Variants in RCOR3 observed in about 807,000 individuals in gnomAD.
The protein encoded by RCOR3 is REST corepressor 3.
A neutral mutation model predicts 64.1 loss-of-function variants in RCOR3; 13 were observed. The observed-to-expected ratio is 0.20, with a 90% CI of 0.13 to 0.32. The LOEUF is 0.32. Among genes scored for constraint, RCOR3 ranks in the 10% least tolerant of loss-of-function variants. RCOR3 has a pLI of 1.00. For synonymous variants in RCOR3, 215 were observed against 239.0 expected (o/e 0.90, Z 0.93); for missense variants, 489 against 701.2 (o/e 0.70, Z 3.42).
rs1307020716 is a variant in RCOR3 at position 211,259,628 on chromosome 1, A to G, written c.68A>G (p.Lys23Arg). 2.6e-6 allele frequency: 4 copies of G among 1,547,434 alleles called. No individual in the cohort carries two copies. The highest frequency in any genetic ancestry group is 1.4e-5 in the African/African-American group (1 of 72,420). Residue 23 changes from lysine to arginine, a missense_variant, in exon 1 of 12, where the codon AAG (lysine) becomes AGG (arginine). Lys to Arg is a conservative substitution (Grantham distance 26, BLOSUM62 2). Transcript: ENST00000419091. ...AACCGATCGGCCAACGGCAGCGCCA[A>G]GAGCCCGGCAGGCGGCGGCGGCAGC... ...GKNRSANGSA[K>R]SPAGGGGSGA...
At chr1:211,295,035 G>A (rs1315860776) in intron 8 of RCOR3, among the ~76,000 whole-genome samples, 2 of 140,304 alleles carry the variant, frequency 1.4e-5, no homozygotes, top group South Asian at 2.3e-4. Context: ...ATGCCACCAT[G>A]ACCAGCTAAT....
chr1:211,295,828 A>G (rs968410058), intron 9 of RCOR3, 75 bp downstream of exon 9: 2 of 1,133,694 alleles, frequency 1.8e-6, no homozygotes, highest in Non-Finnish European at 2.6e-6. Flanking sequence ...CCCAAGTACT[A>G]TTTTGGTCAC....
intron 5 of RCOR3, among the ~76,000 whole-genome samples, chr1:211,276,958 C>T (rs4281373): frequency 0.96 from 145,215 of 151,868 alleles, 69,492 homozygotes; most frequent in East Asian, 1. Flanking sequence ...TGGTGGCATG[C>T]GCCTGTAGCC....
chr1:211,315,148 A>G lies in RCOR3; in HGVS notation c.*1380A>G, dbSNP rs1422452270. 6.6e-6 allele frequency: 1 copy of G among 152,190 alleles called. No individual in the cohort carries two copies. The highest frequency in any genetic ancestry group is 2.4e-5 in the African/African-American group (1 of 41,458). The allele number at this position is 152,190 out of a possible 1,614,324, so 9.4% of individuals were successfully genotyped here. On this transcript the variant is annotated 3_prime_UTR_variant, in exon 12 of 12. Transcript: ENST00000419091. ...TCATATTGGAATCATTATTTGTGCA[A>G]AGGGACAGACAGATCACTTAGATTG...
In RCOR3 at chr1:211,296,198, CT is replaced by C. The variant is rs752137859; in HGVS notation, c.1017+447del. On this transcript the variant is annotated intron_variant, in intron 9 of 11. Transcript: ENST00000419091. ...TTTAAGATAATTGTCTTTGGCTCAGCTTCCACTTATGATTTTAGTATGTGGA... is the reference window on the plus strand; with the variant it reads ...TTTAAGATAATTGTCTTTGGCTCAGCTCCACTTATGATTTTAGTATGTGGA... Among the ~76,000 whole-genome samples, 40 of 152,240 alleles carry C rather than the reference CT, an allele frequency of 2.6e-4. No individual in the cohort carries two copies. In the Middle Eastern group the frequency reaches 0.01, roughly 39 times the overall value.
rs1336897405 is a variant in RCOR3 at position 211,274,194 on chromosome 1, CAT to C, written c.302-15_302-14del. On this transcript the variant is annotated splice_polypyrimidine_tract_variant and intron_variant, in intron 3 of 11. Coordinates refer to ENST00000419091, the MANE Select transcript of RCOR3 (RefSeq NM_001136223.3). ...TAAATGAGAATAATTAATTATATAA[CAT>C]TATTTCATTGCAGTGGATGAATACA... 7 of 1,531,256 alleles carry C rather than the reference CAT, an allele frequency of 4.6e-6. No homozygotes were observed. Among genetic ancestry groups the C allele is most frequent in the Non-Finnish European group, 6.3e-6 (7 of 1,111,024 alleles). The allele number at this position is 1,531,256 out of a possible 1,614,324, so 94.9% of individuals were successfully genotyped here. A position where few individuals can be genotyped will look rare whatever the true frequency, so the allele number is the denominator to read the frequency against.
intron 10 of RCOR3, among the ~76,000 whole-genome samples, chr1:211,308,372 T>C (rs1010651462): frequency 1.3e-5 from 2 of 152,196 alleles, no homozygotes; most frequent in Non-Finnish European, 2.9e-5. Flanking sequence ...TTTCTACCTC[T>C]TAATATGGAA....
At chr1:211,266,200 C>T (rs1028333261) in intron 2 of RCOR3, among the ~76,000 whole-genome samples, 1 of 152,012 alleles carries the variant, frequency 6.6e-6, no homozygotes, top group African/African-American at 2.4e-5. Context: ...TAATTTAGAA[C>T]CTAGTATATA....
chr1:211,282,233 C>T (rs532565575), intron 7 of RCOR3, among the ~76,000 whole-genome samples: 140 of 152,214 alleles, frequency 9.2e-4, no homozygotes, highest in African/African-American at 3.2e-3. Context: ...AGGTGTGGTC[C>T]AAGACTAGCA....
At position 211,289,324 on chromosome 1, in the gene RCOR3, T is replaced by G. The variant is rs1698952723; in HGVS notation, c.867T>G (p.Val289=). 6.2e-7 allele frequency: 1 copy of G among 1,614,138 alleles called. No individual in the cohort carries two copies. The highest frequency in any genetic ancestry group is 1.1e-5 in the South Asian group (1 of 91,078). Residue 289 remains valine (V), a synonymous_variant, in exon 8 of 12, where the codon GTT becomes GTG. Transcript: ENST00000419091. ...MYLTQEDVVA[V]SCSPNAANTI... is the part of the protein sequence containing the mutation. ...TAACCCAGGAAGATGTGGTAGCAGTTTCCTGTAGTCCCAATGCAGCCAACA... is the reference window on the plus strand; with the variant it reads ...TAACCCAGGAAGATGTGGTAGCAGTGTCCTGTAGTCCCAATGCAGCCAACA...
intron 2 of RCOR3, chr1:211,261,246 C>T (rs1344030843): frequency 1.3e-5 from 2 of 152,118 alleles, no homozygotes; most frequent in Admixed American, 1.3e-4. Flanking sequence ...GATACAGAGG[C>T]GTGTTTTTTT....
intron 7 of RCOR3, among the ~76,000 whole-genome samples, chr1:211,285,612 G>A (rs980853346): frequency 6.6e-6 from 1 of 152,200 alleles, no homozygotes; most frequent in African/African-American, 2.4e-5. Context: ...GGAATTTGTT[G>A]ACATGTTTTA....
chr1:211,270,441 A>C (rs1695982812), intron 2 of RCOR3, among the ~76,000 whole-genome samples: 1 of 152,142 alleles, frequency 6.6e-6, no homozygotes. Context: ...AATGAACTTA[A>C]TTTAAAAGTG....
At chr1:211,282,265 C>G (rs2102530102) in intron 7 of RCOR3, among the ~76,000 whole-genome samples, 1 of 152,040 alleles carries the variant, frequency 6.6e-6, no homozygotes, top group Non-Finnish European at 1.5e-5. Flanking sequence ...CAGCTTCATT[C>G]ATTTCTCTGC....
intron 10 of RCOR3, among the ~76,000 whole-genome samples, chr1:211,306,732 T>A (rs1276185014): frequency 6.6e-6 from 1 of 152,222 alleles, no homozygotes; most frequent in Non-Finnish European, 1.5e-5. Flanking sequence ...ATATTGTTGT[T>A]AACTAAATGT....
At chr1:211,259,891 C>CG in intron 1 of RCOR3, 165 bp downstream of exon 1, 1 of 1,037,240 alleles carries the variant, frequency 9.6e-7, no homozygotes, top group Non-Finnish European at 1.3e-6. Context: ...CGCGACCCCC[C>CG]GTCCCTCCGC....
intron 2 of RCOR3, among the ~76,000 whole-genome samples, chr1:211,269,893 T>A (rs1269278127): frequency 6.6e-6 from 1 of 152,078 alleles, no homozygotes; most frequent in Non-Finnish European, 1.5e-5. Context: ...CTTGGGAGGC[T>A]GAGGCAGTAG....
intron 5 of RCOR3, among the ~76,000 whole-genome samples, chr1:211,277,093 A>T (rs1571857206): frequency 6.6e-6 from 1 of 150,750 alleles, no homozygotes; most frequent in Non-Finnish European, 1.5e-5. Context: ...CTCAAAAAAA[A>T]AAACAAAAAA....
chr1:211,302,973 A>G (rs1700529199), intron 9 of RCOR3: 2 of 151,432 alleles, frequency 1.3e-5, no homozygotes, highest in African/African-American at 4.9e-5. Context: ...CTCTTTTATT[A>G]CTGTTTCTTT....
Sources: allele counts gnomAD v4.1 joint callset (sites outside exome capture counted in the v4.1 genomes callset), GRCh38; gene constraint gnomAD v4.1.1; transcripts MANE v1.5; gene names NCBI Gene and HGNC (gene_info 2026-07-23, HGNC 2026-07-21).